The following ARHGEF18 variants were observed in gnomAD, a reference collection of about 807,000 sequenced individuals.
ARHGEF18 encodes the protein rho guanine nucleotide exchange factor 18.
In ARHGEF18, 93 loss-of-function variants were observed where a neutral mutation model predicts 155.7. That is an observed-to-expected ratio of 0.60 (90% CI 0.50 to 0.71). ARHGEF18 has a LOEUF of 0.71. Among genes scored for constraint, ARHGEF18 ranks in the 30% least tolerant of loss-of-function variants. The pLI, the probability that ARHGEF18 is intolerant of heterozygous loss-of-function variation, is 0.00. For missense variants in ARHGEF18, 1,593 were observed against 1,816.1 expected, an observed-to-expected ratio of 0.88 and a Z score of 2.23; for synonymous variants, 742 against 753.1, an observed-to-expected ratio of 0.99 and a Z score of 0.24.
At chr19:7,363,609 TG>T (rs1238085470) in intron 2 of ARHGEF18, among the ~76,000 whole-genome samples, 2 of 150,008 alleles carry the variant, frequency 1.3e-5, no homozygotes, top group African/African-American at 2.5e-5. Flanking sequence ...GGAAGATGGA[TG>T]GATGAAAGGA....
intron 10 of ARHGEF18, among the ~76,000 whole-genome samples, chr19:7,412,761 A>G (rs1181509211): frequency 2.0e-5 from 3 of 151,852 alleles, no homozygotes; most frequent in Non-Finnish European, 4.4e-5. Context: ...AAAAAAGTAA[A>G]TAAAATAAAT....
At chr19:7,366,444 T>C (rs1969890342) in intron 2 of ARHGEF18, among the ~76,000 whole-genome samples, 1 of 152,216 alleles carries the variant, frequency 6.6e-6, no homozygotes, top group South Asian at 2.1e-4. Flanking sequence ...TGTCCTGTTC[T>C]TTCACTGCCT....
At position 7,362,056 on chromosome 19, in the gene ARHGEF18, AAGG is replaced by A. The variant is rs1329855497; in HGVS notation, c.-110-722_-110-720del. ...GAAGGAGAAGGAGAAGGAGAAGGAG[AAGG>A]AGAAGGAGAAGGAGAAGGAGAAGGA... On this transcript the variant is annotated intron_variant, in intron 1 of 28. Transcript: ENST00000668164. Among the ~76,000 whole-genome samples, 16 of 37,368 alleles carry A rather than the reference AAGG, an allele frequency of 4.3e-4. 1 individual carries two copies. The East Asian group carries it at 7.5e-3, about 18-fold the overall frequency. The allele number at this position is 37,368 out of a possible 152,430, so 24.5% of individuals were successfully genotyped here.
intron 10 of ARHGEF18, among the ~76,000 whole-genome samples, chr19:7,412,255 T>G (rs141117257): frequency 6.6e-6 from 1 of 151,512 alleles, no homozygotes; most frequent in Admixed American, 6.6e-5. Flanking sequence ...GACTTCGTAT[T>G]CCGGCCTCCT....
At chr19:7,391,958 A>T (rs1368889026) in intron 10 of ARHGEF18, among the ~76,000 whole-genome samples, 1 of 152,108 alleles carries the variant, frequency 6.6e-6, no homozygotes, top group Non-Finnish European at 1.5e-5. Context: ...CTCATAAATG[A>T]GGCCAGGTGT....
intron 10 of ARHGEF18, among the ~76,000 whole-genome samples, chr19:7,414,971 G>A (rs979433749): frequency 2.0e-5 from 3 of 151,972 alleles, no homozygotes; most frequent in Non-Finnish European, 4.4e-5. Flanking sequence ...CTCCAGCCTG[G>A]GCCACAGAGT....
chr19:7,453,733 C>G lies in ARHGEF18; in HGVS notation c.2104+18C>G. On this transcript the variant is annotated intron_variant, in intron 17 of 28. Transcript: ENST00000668164. ...CTTGAAAGGTAAAGGCCTGCCCCTG[C>G]CCACCTCTAGTGGGTGCCATCTTGG... 6.5e-7 allele frequency: 1 copy of G among 1,530,198 alleles called. No homozygotes were observed. The highest frequency in any genetic ancestry group is 2.0e-5 in the Admixed American group (1 of 49,716). The allele number at this position is 1,530,198 out of a possible 1,614,324, so 94.8% of individuals were successfully genotyped here. A position where few individuals can be genotyped will look rare whatever the true frequency, so the allele number is the denominator to read the frequency against.
intron 10 of ARHGEF18, among the ~76,000 whole-genome samples, chr19:7,422,266 G>A (rs560732775): frequency 2.0e-5 from 3 of 151,820 alleles, no homozygotes; most frequent in Admixed American, 6.6e-5. Context: ...CATGTAAAAC[G>A]CCACGCATGC....
intron 10 of ARHGEF18, among the ~76,000 whole-genome samples, chr19:7,386,007 T>C (rs1166705784): frequency 1.6e-5 from 2 of 125,240 alleles, no homozygotes; most frequent in African/African-American, 6.1e-5. Flanking sequence ...CCTCTCTCTT[T>C]CTCTCTCTCT....
At chr19:7,450,031 T>A (rs1483842925) in intron 15 of ARHGEF18, among the ~76,000 whole-genome samples, 1 of 152,154 alleles carries the variant, frequency 6.6e-6, no homozygotes, top group Admixed American at 6.5e-5. Context: ...GTATCTGGTG[T>A]CTGTCTCCTC....
At chr19:7,446,957 A>T in intron 14 of ARHGEF18, 86 bp from the exon 15 acceptor site, 2 of 1,458,672 alleles carry the variant, frequency 1.4e-6, no homozygotes, top group South Asian at 1.3e-5. Flanking sequence ...TCTAATATTT[A>T]TTTTAGCAGA....
In ARHGEF18 at chr19:7,411,893, A is replaced by G. The variant is rs181575140; in HGVS notation, c.968-28451A>G. 3.0e-3 allele frequency among the ~76,000 whole-genome samples: 460 copies of G among 152,314 alleles called. 3 individuals are homozygous for G. The highest frequency in any genetic ancestry group is 5.2e-3 in the Non-Finnish European group (352 of 68,028). On this transcript the variant is annotated intron_variant, in intron 10 of 28. Coordinates refer to ENST00000668164, the MANE Select transcript of ARHGEF18 (RefSeq NM_001367823.1). ...TTGTGACTGGCTTATTTCACTGAGCATAGTGTCCTCAAGGTCCATCTGTGT... is the reference window on the plus strand; with the variant it reads ...TTGTGACTGGCTTATTTCACTGAGCGTAGTGTCCTCAAGGTCCATCTGTGT...
In ARHGEF18 at chr19:7,467,399, C is replaced by T; in HGVS notation, c.3195C>T (p.His1065=). 7 of 1,532,782 alleles carry T rather than the reference C, an allele frequency of 4.6e-6. No individual in the cohort carries two copies. Among genetic ancestry groups the T allele is most frequent in the Non-Finnish European group, 5.2e-6 (6 of 1,145,500 alleles). 94.9% of individuals were successfully genotyped at this position (1,532,782 alleles called of 1,614,324 possible). A position where few individuals can be genotyped will look rare whatever the true frequency, so the allele number is the denominator to read the frequency against. ...ALEKLQSQLR[H]EQQRWERERQ... ...AGAAGCTGCAGAGCCAGCTGCGGCA[C>T]GAGCAGCAGCGCTGGGAGCGCGAGC... The change falls in exon 26 of 29, where the codon CAC becomes CAT. Residue 1065 remains histidine, a synonymous_variant. Coordinates refer to ENST00000668164, the MANE Select transcript of ARHGEF18 (RefSeq NM_001367823.1).
chr19:7,453,647 A>C lies in ARHGEF18; in HGVS notation c.2036A>C (p.Asp679Ala). 4.3e-6 allele frequency: 7 copies of C among 1,610,278 alleles called. No homozygotes were observed. Among genetic ancestry groups the C allele is most frequent in the Non-Finnish European group, 5.1e-6 (6 of 1,177,120 alleles). ...AACGGGCTCACCTTCCGCAAGGAAG[A>C]CATGCTTCAGCGGCAGCTCCACCTG... is the stretch of plus-strand genomic sequence containing the variant. ...LKNGLTFRKE[D>A]MLQRQLHLEG... Residue 679 changes from aspartate to alanine, a missense_variant, in exon 17 of 29, where the codon GAC becomes GCC. Transcript: ENST00000668164.
chr19:7,439,577 A>C, intron 10 of ARHGEF18: 1 of 659,208 alleles, frequency 1.5e-6, no homozygotes, highest in Non-Finnish European at 1.9e-6. Flanking sequence ...AGCGGTTTGC[A>C]GCCCCTGTTG....
intron 10 of ARHGEF18, among the ~76,000 whole-genome samples, chr19:7,389,726 G>A (rs371548524): frequency 1.1e-3 from 160 of 151,886 alleles, no homozygotes; most frequent in African/African-American, 3.8e-3. Context: ...GTAGAGACAG[G>A]GTTTCGCCGT....
In ARHGEF18 at chr19:7,368,020, C is replaced by CGGAAGGAAGGAAGGAAGGAAGGAA. The variant is rs374690580; in HGVS notation, c.16-4788_16-4765dup. On this transcript the variant is annotated intron_variant, in intron 2 of 28. Coordinates refer to ENST00000668164, the MANE Select transcript of ARHGEF18 (RefSeq NM_001367823.1). ...GAGAGAGGGAGGGAGGGAGGGAGGG[C>CGGAAGGAAGGAAGGAAGGAAGGAA]GGAAGGAAGGAAGGAAGGAAGGAAG... Among the ~76,000 whole-genome samples the CGGAAGGAAGGAAGGAAGGAAGGAA allele has an allele frequency of 1.1e-3, 101 of 95,186 alleles. 2 individuals are homozygous for CGGAAGGAAGGAAGGAAGGAAGGAA. Among genetic ancestry groups the CGGAAGGAAGGAAGGAAGGAAGGAA allele is most frequent in the African/African-American group, 4.7e-3 (89 of 19,084 alleles). 62.4% of individuals were successfully genotyped at this position (95,186 alleles called of 152,430 possible).
At chr19:7,398,894 G>T (rs1971876504) in intron 10 of ARHGEF18, among the ~76,000 whole-genome samples, 1 of 152,168 alleles carries the variant, frequency 6.6e-6, no homozygotes, top group Non-Finnish European at 1.5e-5. Context: ...TGTGGGCCAG[G>T]GCCGTGGTGA....
chr19:7,456,745 CA>C (rs567514201), intron 18 of ARHGEF18, among the ~76,000 whole-genome samples: 1 of 151,946 alleles, frequency 6.6e-6, no homozygotes, highest in African/African-American at 2.4e-5. Context: ...TATCTCAAAA[CA>C]AAAAAACAAA....
Sources: allele counts gnomAD v4.1 joint callset (sites outside exome capture counted in the v4.1 genomes callset), GRCh38; gene constraint gnomAD v4.1.1; transcripts MANE v1.5; gene names NCBI Gene and HGNC (gene_info 2026-07-23, HGNC 2026-07-21).